MPP2: variants seen among roughly 807,000 people sequenced by gnomAD.
The protein encoded by MPP2 is MAGUK p55 subfamily member 2.
A neutral mutation model predicts 58.5 loss-of-function variants in MPP2; 42 were observed. The observed-to-expected ratio is 0.72, with a 90% CI of 0.56 to 0.93. MPP2 has a LOEUF of 0.93. Ranked by LOEUF, MPP2 falls within the 40% of genes least tolerant of loss-of-function variation. The pLI is 0.00. For synonymous variants in MPP2, 300 were observed against 307.8 expected (o/e 0.97, Z 0.26); for missense variants, 632 against 760.4 (o/e 0.83, Z 1.99).
rs1329728700 is a variant in MPP2 at position 43,898,363 on chromosome 17, C to T, written c.49G>A (p.Asp17Asn). ...GCACTGGGGAGGGATCCCAAGTTGT[C>T]CAGGACTTGCTGCATGGCTGGGGGA... is the stretch of plus-strand genomic sequence containing the variant. ...NSETAMQQVLDNLGSLPSATG... is the reference protein window; with the variant it reads ...NSETAMQQVLNNLGSLPSATG... Residue 17 changes from aspartate (D) to asparagine (N), a missense_variant, in exon 3 of 13, where the codon GAC becomes AAC. Coordinates refer to ENST00000269095, the MANE Select transcript of MPP2 (RefSeq NM_005374.5). 1 of 1,613,918 alleles carries T rather than the reference C, an allele frequency of 6.2e-7. No individual in the cohort carries two copies. Among genetic ancestry groups the T allele is most frequent in the South Asian group, 1.1e-5 (1 of 91,052 alleles).
At chr17:43,901,515 G>GGTACT in intron 2 of MPP2, 1 of 985,466 alleles carries the variant, frequency 1.0e-6, no homozygotes, top group Non-Finnish European at 1.2e-6. Flanking sequence ...CCACCATCAG[G>GGTACT]GTACTGCAGC....
rs2046985056 is a variant in MPP2 at position 43,879,214 on chromosome 17, G to A, written c.1482+61C>T. Reference sequence around the variant, plus strand: ...CACCTCCTTCTCTCTGTCAGCTCAGGCCTGTCCCCCACCACCCTAGGCAGC... The same window carrying A: ...CACCTCCTTCTCTCTGTCAGCTCAGACCTGTCCCCCACCACCCTAGGCAGC... On this transcript the variant is annotated intron_variant, in intron 12 of 12. Coordinates refer to ENST00000269095, the MANE Select transcript of MPP2 (RefSeq NM_005374.5). The surrounding 1 kb of genome is among the most constrained non-coding windows in gnomAD (Gnocchi z 4.1). 7.0e-6 allele frequency: 11 copies of A among 1,563,480 alleles called. No individual in the cohort carries two copies. Among genetic ancestry groups the A allele is most frequent in the Non-Finnish European group, 9.6e-6 (11 of 1,148,372 alleles).
In MPP2 at chr17:43,892,254, G is replaced by A. The variant is rs569923426; in HGVS notation, c.150+6008C>T. Among the ~76,000 whole-genome samples, 5 of 152,332 alleles carry A rather than the reference G, an allele frequency of 3.3e-5. 1 individual carries two copies. The highest frequency in any genetic ancestry group is 4.8e-5 in the African/African-American group (2 of 41,570). On this transcript the variant is annotated intron_variant, in intron 3 of 12. Coordinates refer to ENST00000269095, the MANE Select transcript of MPP2 (RefSeq NM_005374.5). ...ACAGAGTCAAGCCCAGCTCCACAGC[G>A]TAAGGGAGGGAGGCCAACAGCTACC...
At chr17:43,902,323 G>C (rs894343406) in intron 2 of MPP2, among the ~76,000 whole-genome samples, 2 of 151,778 alleles carry the variant, frequency 1.3e-5, no homozygotes, top group African/African-American at 4.8e-5. Context: ...CTGCAACAAC[G>C]AAGCCAAATT....
At chr17:43,904,327 C>T in intron 2 of MPP2, 103 bp downstream of exon 2, 1 of 1,051,652 alleles carries the variant, frequency 9.5e-7, no homozygotes, top group Non-Finnish European at 1.5e-6. Flanking sequence ...AGCAGTGGAG[C>T]CAGTTGGTTC....
At chr17:43,895,489 T>C (rs2047805887) in intron 3 of MPP2, among the ~76,000 whole-genome samples, 1 of 152,204 alleles carries the variant, frequency 6.6e-6, no homozygotes, top group Non-Finnish European at 1.5e-5. Context: ...AGATGGGTAC[T>C]CAGGAGTTTG....
intron 3 of MPP2, among the ~76,000 whole-genome samples, chr17:43,885,896 G>A (rs893569523): frequency 5.9e-5 from 9 of 152,068 alleles, no homozygotes; most frequent in African/African-American, 1.9e-4. Context: ...GATCACCTGA[G>A]GTCAGGAGTT....
In MPP2 at chr17:43,879,659, G is replaced by A; in HGVS notation, c.1353+123C>T. On this transcript the variant is annotated intron_variant, in intron 11 of 12. Transcript: ENST00000269095. This position sits in a 1 kb window ranked among gnomAD's most constrained non-coding sequence, Gnocchi z 4.1. ...TTCCAGGTGGGCTGGGTTTCTAGCA[G>A]TAGTTGAGGGCAAAGGGGGTACATG... The A allele has an allele frequency of 8.4e-7, 1 of 1,192,052 alleles. No individual in the cohort carries two copies. The highest frequency in any genetic ancestry group is 1.2e-6 in the Non-Finnish European group (1 of 846,378). The allele number at this position is 1,192,052 out of a possible 1,614,324, so 73.8% of individuals were successfully genotyped here.
chr17:43,897,501 A>C (rs1341558370), intron 3 of MPP2, among the ~76,000 whole-genome samples: 1 of 130,140 alleles, frequency 7.7e-6, no homozygotes, highest in East Asian at 2.5e-4. Context: ...CAAAACAAAA[A>C]AAACCATAAA....
chr17:43,880,917 G>A lies in MPP2; in HGVS notation c.989-65C>T. ...GTGAGGGAGGGGCGGAGCTCTCAGGGAGGCTGAGGGCAAGAGGGCTTGGAA... is the reference window on the plus strand; with the variant it reads ...GTGAGGGAGGGGCGGAGCTCTCAGGAAGGCTGAGGGCAAGAGGGCTTGGAA... On this transcript the variant is annotated intron_variant, in intron 9 of 12. Coordinates refer to ENST00000269095, the MANE Select transcript of MPP2 (RefSeq NM_005374.5). This position sits in a 1 kb window ranked among gnomAD's most constrained non-coding sequence, Gnocchi z 5.2. 1 of 1,559,124 alleles carries A rather than the reference G, an allele frequency of 6.4e-7. No homozygotes were observed. Among genetic ancestry groups the A allele is most frequent in the Admixed American group, 1.8e-5 (1 of 56,080 alleles).
chr17:43,880,995 T>C lies in MPP2; in HGVS notation c.988+95A>G. The C allele has an allele frequency of 6.5e-7, 1 of 1,538,924 alleles. No homozygotes were observed. The highest frequency in any genetic ancestry group is 1.7e-5 in the Admixed American group (1 of 59,086). On this transcript the variant is annotated intron_variant, in intron 9 of 12. Coordinates refer to ENST00000269095, the MANE Select transcript of MPP2 (RefSeq NM_005374.5). This position sits in a 1 kb window ranked among gnomAD's most constrained non-coding sequence, Gnocchi z 5.2. ...GCCTAGGGACACGGCTGGCAGCATCTGAGCCAGGCACACGTCGTCACAGGT... is the reference window on the plus strand; with the variant it reads ...GCCTAGGGACACGGCTGGCAGCATCCGAGCCAGGCACACGTCGTCACAGGT...
intron 2 of MPP2, among the ~76,000 whole-genome samples, chr17:43,898,692 T>G (rs1222749985): frequency 6.6e-6 from 1 of 152,188 alleles, no homozygotes. Context: ...GAAGCAGGTG[T>G]CAGGTTGCAG....
In MPP2 at chr17:43,879,346, G is replaced by A. The variant is rs1465596276; in HGVS notation, c.1411C>T (p.Pro471Ser). 1.9e-6 allele frequency: 3 copies of A among 1,614,146 alleles called. No individual in the cohort carries two copies. Among genetic ancestry groups the A allele is most frequent in the South Asian group, 1.1e-5 (1 of 91,074 alleles). The change falls in exon 12 of 13, where the codon CCA (proline) becomes TCA (serine). Residue 471 changes from proline (P) to serine (S), a missense_variant. Physicochemically the swap from Pro to Ser is moderately conservative, Grantham distance 74 (BLOSUM62 -1). Transcript: ENST00000269095. The surrounding 1 kb of genome is among the most constrained non-coding windows in gnomAD (Gnocchi z 4.1). ...FVPYVVFIEA[P>S]DFETLRAMNR... ...ATGGCCCGCAGGGTCTCGAAGTCTG[G>A]GGCCTCGATGAACACCACGTAAGGG...
At chr17:43,908,790 C>T (rs1457453934), upstream of MPP2, among the ~76,000 whole-genome samples, 4 of 152,200 alleles carry the variant, frequency 2.6e-5, no homozygotes, top group Non-Finnish European at 5.9e-5. Context: ...ATCCCGAAAG[C>T]AGGGGACTGG....
chr17:43,898,055 C>T (rs969251580), intron 3 of MPP2, among the ~76,000 whole-genome samples: 5 of 152,250 alleles, frequency 3.3e-5, no homozygotes, highest in African/African-American at 1.2e-4. Context: ...TCCACCCACG[C>T]ACTCACCAGA....
intron 3 of MPP2, among the ~76,000 whole-genome samples, chr17:43,892,189 C>T (rs1019124571): frequency 1.3e-5 from 2 of 152,204 alleles, no homozygotes; most frequent in African/African-American, 2.4e-5. Context: ...CCCAGATCTA[C>T]CCAGCCTGGC....
chr17:43,894,353 G>T (rs2047732896), intron 3 of MPP2, among the ~76,000 whole-genome samples: 2 of 149,160 alleles, frequency 1.3e-5, no homozygotes, highest in African/African-American at 4.9e-5. Flanking sequence ...GGAGGCGGAG[G>T]TTGCAGTGAG....
chr17:43,893,093 G>A (rs1345816057), intron 3 of MPP2, among the ~76,000 whole-genome samples: 3 of 152,074 alleles, frequency 2.0e-5, no homozygotes, highest in Non-Finnish European at 4.4e-5. Flanking sequence ...GAGAGCTGTC[G>A]AGTGGACTGT....
rs1486259536 is a variant in MPP2, at chr17:43,876,124, G to A, written c.*1683C>T. ...CCCCATGTGTATAGTCTATGCAAATGCAAATGAGATTCCTAGTATAAGAAA... is the reference window on the plus strand; with the variant it reads ...CCCCATGTGTATAGTCTATGCAAATACAAATGAGATTCCTAGTATAAGAAA... On this transcript the variant is annotated 3_prime_UTR_variant, in exon 13 of 13. Coordinates refer to ENST00000269095, the MANE Select transcript of MPP2 (RefSeq NM_005374.5). The A allele has an allele frequency of 6.6e-6, 1 of 152,630 alleles. No homozygotes were observed. Among genetic ancestry groups the A allele is most frequent in the Non-Finnish European group, 1.5e-5 (1 of 68,040 alleles). The allele number at this position is 152,630 out of a possible 1,614,324, so 9.5% of individuals were successfully genotyped here. A position where few individuals can be genotyped will look rare whatever the true frequency, so the allele number is the denominator to read the frequency against.
Sources: gnomAD v4.1 joint callset for allele counts (sites outside exome capture counted in the v4.1 genomes callset) on GRCh38, gnomAD v4.1.1 for gene constraint, Gnocchi (gnomAD v3.1) non-coding constraint, MANE v1.5 for transcripts, NCBI Gene and HGNC (gene_info 2026-07-23, HGNC 2026-07-21) for gene names.